The following PACSIN3 variants were observed in gnomAD, a reference collection of about 807,000 sequenced individuals.
PACSIN3 encodes the protein protein kinase C and casein kinase substrate in neurons protein 3.
A neutral mutation model predicts 56.1 loss-of-function variants in PACSIN3; 34 were observed. The observed-to-expected ratio is 0.61, with a 90% CI of 0.46 to 0.81. The LOEUF is 0.81. PACSIN3 is among the 30% of genes least tolerant of loss of function. PACSIN3 has a pLI of 0.00. For synonymous variants in PACSIN3, 218 were observed against 229.8 expected, an observed-to-expected ratio of 0.95 and a Z score of 0.46; for missense variants, 535 against 592.4, an observed-to-expected ratio of 0.90 and a Z score of 1.01.
At chr11:47,183,760 G>A (rs926082122) in intron 1 of PACSIN3, among the ~76,000 whole-genome samples, 3 of 152,204 alleles carry the variant, frequency 2.0e-5, no homozygotes, top group Admixed American at 6.5e-5. Context: ...GGTGGCTCAC[G>A]CCTGTAATCT....
Position 47,179,673 on chromosome 11 carries a change from G to T in PACSIN3, c.604-87C>A. The T allele has an allele frequency of 1.5e-6, 2 of 1,360,620 alleles. No individual in the cohort carries two copies. Among genetic ancestry groups the T allele is most frequent in the Non-Finnish European group, 2.0e-6 (2 of 994,956 alleles). 84.3% of individuals were successfully genotyped at this position (1,360,620 alleles called of 1,614,324 possible). On this transcript the variant is annotated intron_variant, in intron 6 of 10. Coordinates refer to ENST00000298838, the MANE Select transcript of PACSIN3 (RefSeq NM_016223.5). This position sits in a 1 kb window ranked among gnomAD's most constrained non-coding sequence, Gnocchi z 4.4. ...TGTTTACCAGACACTGCCATAGGCT[G>T]CTAGACCCAGGGCTAGCCACTAGGG...
At chr11:47,183,790 G>C (rs1417384187) in intron 1 of PACSIN3, among the ~76,000 whole-genome samples, 1 of 152,212 alleles carries the variant, frequency 6.6e-6, no homozygotes, top group East Asian at 1.9e-4. Flanking sequence ...GGGAGACTGA[G>C]GTGGGTGGAT....
Position 47,179,330 on chromosome 11 carries a change from C to T in PACSIN3, c.780-51G>A, listed in dbSNP as rs1848099078. 2 of 1,613,762 alleles carry T rather than the reference C, an allele frequency of 1.2e-6. No homozygotes were observed. Among genetic ancestry groups the T allele is most frequent in the Non-Finnish European group, 1.7e-6 (2 of 1,179,838 alleles). ...TCTAGGAAGTCTAGACCCTGCATCC[C>T]TCAGTCCCAGCCAGGGCCTCGGGGA... is the stretch of plus-strand genomic sequence containing the variant. On this transcript the variant is annotated intron_variant, in intron 7 of 10. Transcript: ENST00000298838. This position sits in a 1 kb window ranked among gnomAD's most constrained non-coding sequence, Gnocchi z 4.4.
Position 47,184,912 on chromosome 11 carries a change from GTGTGTACCGGGCTGGCACA to G in PACSIN3, c.-104+1418_-104+1436del, listed in dbSNP as rs1438491902. Among the ~76,000 whole-genome samples, 3 of 152,102 alleles carry G rather than the reference GTGTGTACCGGGCTGGCACA, an allele frequency of 2.0e-5. No homozygotes were observed. In the East Asian group the frequency reaches 5.8e-4, roughly 29 times the overall value. On this transcript the variant is annotated intron_variant, in intron 1 of 10. Transcript: ENST00000298838. ...CTCTGGCCCCAGAACAGAGCAAGCT[GTGTGTACCGGGCTGGCACA>G]GCTCCCTCCGGCCTCCCAGAGCAAA...
intron 4 of PACSIN3, 63 bp from the exon 5 acceptor site, chr11:47,180,753 T>A: frequency 4.5e-6 from 6 of 1,341,202 alleles, no homozygotes; most frequent in Non-Finnish European, 6.1e-6. Context: ...CTAGCCCCTC[T>A]CACTGGGTGT....
chr11:47,185,163 ACGTTCGGCTCC>A (rs1953095684), intron 1 of PACSIN3: 1 of 151,210 alleles, frequency 6.6e-6, no homozygotes, highest in Non-Finnish European at 1.5e-5. Context: ...GGGAGCCAGC[ACGTTCGGCTCC>A]GAGAGGTCTT....
chr11:47,183,969 G>T (rs937550377), intron 1 of PACSIN3, among the ~76,000 whole-genome samples: 1 of 151,258 alleles, frequency 6.6e-6, no homozygotes, highest in Non-Finnish European at 1.5e-5. Flanking sequence ...AGGTTGCGGT[G>T]AGCAGAGATT....
intron 4 of PACSIN3, among the ~76,000 whole-genome samples, chr11:47,180,973 G>C (rs1292837737): frequency 6.6e-6 from 1 of 152,220 alleles, no homozygotes; most frequent in Non-Finnish European, 1.5e-5. Context: ...GCTACAACAG[G>C]AGCTGAGGGC....
In PACSIN3 at chr11:47,180,448, G is replaced by A. The variant is rs553090505; in HGVS notation, c.447+7C>T. The A allele has an allele frequency of 1.4e-4, 227 of 1,595,502 alleles. 1 individual carries two copies. The highest frequency in any genetic ancestry group is 9.6e-4 in the South Asian group (87 of 90,312). ...CTGTCTCGGATACCTCCCCCACCCA[G>A]CCTCACCTCCTTCAGCCTCTTCAGC... On this transcript the variant is annotated splice_region_variant and intron_variant, in intron 5 of 10. Coordinates refer to ENST00000298838, the MANE Select transcript of PACSIN3 (RefSeq NM_016223.5).
At position 47,180,520 on chromosome 11, in the gene PACSIN3, C is replaced by A; in HGVS notation, c.382G>T (p.Glu128Ter). 6.2e-7 allele frequency: 1 copy of A among 1,603,712 alleles called. No individual in the cohort carries two copies. Among genetic ancestry groups the A allele is most frequent in the Non-Finnish European group, 8.5e-7 (1 of 1,179,148 alleles). The change falls in exon 5 of 11, where the codon GAG becomes TAG. Residue 128 changes from glutamate (E) to a stop codon, truncating the protein, a stop_gained. Transcript: ENST00000298838. LOFTEE classifies it high-confidence loss of function. Reference protein sequence around the residue: ...FHRPVLGGFRESRAAEDGFRK... With the variant: ...FHRPVLGGFR Reference sequence around the variant, plus strand: ...AAGCCGTCCTCGGCCGCCCGGCTCTCGCGGAAGCCGCCCAGCACAGGCCGG... The same window carrying A: ...AAGCCGTCCTCGGCCGCCCGGCTCTAGCGGAAGCCGCCCAGCACAGGCCGG...
In PACSIN3 at chr11:47,180,552, GC is replaced by G. The variant is rs773984599; in HGVS notation, c.349del (p.Ala117LeufsTer28). ...SERVRAWQRG[A>X]FHRPVLGGFR... ...GCCGCCCAGCACAGGCCGGTGGAAA[GC>G]CCCCCGCTGCCAGGCGCGCACCCGC... On this transcript the variant is annotated frameshift_variant, in exon 5 of 11. Coordinates refer to ENST00000298838, the MANE Select transcript of PACSIN3 (RefSeq NM_016223.5). LOFTEE classifies it high-confidence loss of function. 6.0e-5 allele frequency: 96 copies of G among 1,603,536 alleles called. No individual in the cohort carries two copies. Among genetic ancestry groups the G allele is most frequent in the Non-Finnish European group, 8.1e-5 (95 of 1,179,548 alleles).
In PACSIN3 at chr11:47,179,922, T is replaced by G. The variant is rs1239939754; in HGVS notation, c.603+264A>C. Among the ~76,000 whole-genome samples the G allele has an allele frequency of 6.6e-6, 1 of 152,114 alleles. No individual in the cohort carries two copies. The highest frequency in any genetic ancestry group is 2.4e-5 in the African/African-American group (1 of 41,414). On this transcript the variant is annotated intron_variant, in intron 6 of 10. Transcript: ENST00000298838. This position sits in a 1 kb window ranked among gnomAD's most constrained non-coding sequence, Gnocchi z 4.4. ...ATCCAGAGCTGCAGGAAAGGACACT[T>G]CGGGCAAAGGGTACTGTGCAAGGAA...
Position 47,178,594 on chromosome 11 carries a change from A to G in PACSIN3, c.1038-107T>C. ...CTCCCTACCCCCAGAGGCACCTGGG[A>G]GAGTCAGGTGAGGTACTAAAGATTC... On this transcript the variant is annotated intron_variant, in intron 9 of 10. Transcript: ENST00000298838. The surrounding 1 kb of genome is among the most constrained non-coding windows in gnomAD (Gnocchi z 4.2). 7.2e-7 allele frequency: 1 copy of G among 1,397,218 alleles called. No individual in the cohort carries two copies. The allele number at this position is 1,397,218 out of a possible 1,614,324, so 86.6% of individuals were successfully genotyped here. A position where few individuals can be genotyped will look rare whatever the true frequency, so the allele number is the denominator to read the frequency against.
Position 47,179,755 on chromosome 11 carries a change from G to C in PACSIN3, c.604-169C>G. On this transcript the variant is annotated intron_variant, in intron 6 of 10. Transcript: ENST00000298838. This position sits in a 1 kb window ranked among gnomAD's most constrained non-coding sequence, Gnocchi z 4.4. ...CAAGGACCCCAGCAGCCTAACAAGG[G>C]AGGTGACATCAGGCACAGCATATAA... 1.6e-6 allele frequency: 1 copy of C among 618,348 alleles called. No homozygotes were observed. The highest frequency in any genetic ancestry group is 2.0e-5 in the South Asian group (1 of 49,020). The allele number at this position is 618,348 out of a possible 1,614,324, so 38.3% of individuals were successfully genotyped here.
In PACSIN3 at chr11:47,179,637, G is replaced by T. The variant is rs376192224; in HGVS notation, c.604-51C>A. The T allele has an allele frequency of 7.6e-6, 12 of 1,569,490 alleles. No individual in the cohort carries two copies. Among genetic ancestry groups the T allele is most frequent in the Non-Finnish European group, 1.0e-5 (12 of 1,153,312 alleles). On this transcript the variant is annotated intron_variant, in intron 6 of 10. Transcript: ENST00000298838. This position sits in a 1 kb window ranked among gnomAD's most constrained non-coding sequence, Gnocchi z 4.4. ...GAGAACCAGACCTTCTTCCACCCAG[G>T]ACTCCACCAGTGTTTACCAGACACT...
In PACSIN3 at chr11:47,178,667, C is replaced by T. The variant is rs150075712; in HGVS notation, c.1038-180G>A. On this transcript the variant is annotated intron_variant, in intron 9 of 10. Coordinates refer to ENST00000298838, the MANE Select transcript of PACSIN3 (RefSeq NM_016223.5). This position sits in a 1 kb window ranked among gnomAD's most constrained non-coding sequence, Gnocchi z 4.2. ...ACTGTGAGCAAAGAGGCAATTCCTG[C>T]CACACGCAGCTGATTTAAGGCATAA... Among the ~76,000 whole-genome samples, 201 of 152,302 alleles carry T rather than the reference C, an allele frequency of 1.3e-3. 1 individual carries two copies. The highest frequency in any genetic ancestry group is 4.6e-3 in the Admixed American group (71 of 15,302).
At chr11:47,181,913 G>A (rs1408678547) in intron 4 of PACSIN3, among the ~76,000 whole-genome samples, 1 of 152,170 alleles carries the variant, frequency 6.6e-6, no homozygotes, top group African/African-American at 2.4e-5. Flanking sequence ...AGCACTTGGG[G>A]AGGCTGAGGT....
chr11:47,178,782 G>A lies in PACSIN3; in HGVS notation c.1037+112C>T, dbSNP rs974343561. On this transcript the variant is annotated intron_variant, in intron 9 of 10. Transcript: ENST00000298838. The surrounding 1 kb of genome is among the most constrained non-coding windows in gnomAD (Gnocchi z 4.2). ...CTACTAAGTAGGCCCTCAGGTCCCTGGCACCAATTTTCAACCCATTTCAGG... is the reference window on the plus strand; with the variant it reads ...CTACTAAGTAGGCCCTCAGGTCCCTAGCACCAATTTTCAACCCATTTCAGG... 6.2e-6 allele frequency: 8 copies of A among 1,287,774 alleles called. No individual in the cohort carries two copies. The highest frequency in any genetic ancestry group is 8.6e-6 in the Non-Finnish European group (8 of 929,278). 79.8% of individuals were successfully genotyped at this position (1,287,774 alleles called of 1,614,324 possible). A position where few individuals can be genotyped will look rare whatever the true frequency, so the allele number is the denominator to read the frequency against.
In PACSIN3 at chr11:47,179,039, AC is replaced by A; in HGVS notation, c.901-10del. On this transcript the variant is annotated splice_polypyrimidine_tract_variant and intron_variant, in intron 8 of 10. Transcript: ENST00000298838. The surrounding 1 kb of genome is among the most constrained non-coding windows in gnomAD (Gnocchi z 4.4). ...GTGTCCAAGGACCACTCCTGTGGGG[AC>A]AGTGCTTATAGTCAGGTGGGGCCAT... 1 of 1,614,060 alleles carries A rather than the reference AC, an allele frequency of 6.2e-7. No homozygotes were observed. The highest frequency in any genetic ancestry group is 8.5e-7 in the Non-Finnish European group (1 of 1,180,010).
Sources: allele counts gnomAD v4.1 joint callset (sites outside exome capture counted in the v4.1 genomes callset), GRCh38; gene constraint gnomAD v4.1.1; non-coding constraint Gnocchi (gnomAD v3.1); transcripts MANE v1.5; gene names NCBI Gene and HGNC (gene_info 2026-07-23, HGNC 2026-07-21).